LRP11: variants seen among roughly 807,000 people sequenced by gnomAD.
The protein encoded by LRP11 is low-density lipoprotein receptor-related protein 11.
Under a neutral mutation model 43.1 loss-of-function variants are expected in LRP11, and 25 were observed. The observed-to-expected ratio is 0.58, with a 90% CI of 0.42 to 0.81. LRP11 has a LOEUF of 0.81. Ranked by LOEUF, LRP11 falls within the 30% of genes least tolerant of loss-of-function variation. The pLI, the probability that LRP11 is intolerant of heterozygous loss-of-function variation, is 0.00. For synonymous variants in LRP11, 316 were observed against 299.4 expected (o/e 1.06, Z -0.57); for missense variants, 623 against 665.1 (o/e 0.94, Z 0.70).
chr6:149,838,558 A>G (rs533023536), intron 3 of LRP11, among the ~76,000 whole-genome samples: 2,274 of 151,654 alleles, frequency 0.015, 26 homozygotes, highest in Non-Finnish European at 0.025. Context: ...GGTGGCATGC[A>G]CCTGTAGTCC....
At position 149,820,409 on chromosome 6, in the gene LRP11, A is replaced by G; in HGVS notation, c.*140T>C. 1 of 482,730 alleles carries G rather than the reference A, an allele frequency of 2.1e-6. No individual in the cohort carries two copies. Among genetic ancestry groups the G allele is most frequent in the African/African-American group, 2.0e-5 (1 of 50,538 alleles). 29.9% of individuals were successfully genotyped at this position (482,730 alleles called of 1,614,324 possible). A position where few individuals can be genotyped will look rare whatever the true frequency, so the allele number is the denominator to read the frequency against. On this transcript the variant is annotated 3_prime_UTR_variant, in exon 7 of 7. Coordinates refer to ENST00000239367, the MANE Select transcript of LRP11 (RefSeq NM_032832.6). ...CTTCTAAGGAAACTTTTTTTACAAT[A>G]AATAATAAAGAAAGATTTGGGATTT...
intron 1 of LRP11, among the ~76,000 whole-genome samples, chr6:149,861,799 A>T (rs1776903557): frequency 1.3e-5 from 2 of 152,158 alleles, no homozygotes; most frequent in Non-Finnish European, 2.9e-5. Context: ...GGGGTTAGTT[A>T]TGAGCCACCG....
At chr6:149,844,250 C>G (rs76916836) in intron 2 of LRP11, among the ~76,000 whole-genome samples, 1 of 125,140 alleles carries the variant, frequency 8.0e-6, no homozygotes, top group Non-Finnish European at 1.7e-5. Context: ...GACTCCATCT[C>G]AAAAAAAAAA....
intron 1 of LRP11, among the ~76,000 whole-genome samples, chr6:149,861,362 G>C (rs1776891276): frequency 6.6e-6 from 1 of 152,078 alleles, no homozygotes; most frequent in South Asian, 2.1e-4. Flanking sequence ...GCACAGCAGT[G>C]TTCTCCCAGA....
chr6:149,828,122 C>T (rs1050599667), intron 5 of LRP11, among the ~76,000 whole-genome samples: 12 of 151,138 alleles, frequency 7.9e-5, no homozygotes, highest in African/African-American at 2.9e-4. Context: ...ACTTGGGAGG[C>T]GGAGGGTGCA....
At chr6:149,826,438 A>G in intron 5 of LRP11, 79 bp from the exon 6 acceptor site, 1 of 958,216 alleles carries the variant, frequency 1.0e-6, no homozygotes. Flanking sequence ...ATACAGCCTT[A>G]TTTTTTTTTA....
At chr6:149,851,320 C>G (rs1226880877) in intron 2 of LRP11, among the ~76,000 whole-genome samples, 1 of 152,034 alleles carries the variant, frequency 6.6e-6, no homozygotes, top group Non-Finnish European at 1.5e-5. Flanking sequence ...GTCAGAAAAC[C>G]AAAGCTTAAA....
At chr6:149,851,776 G>C (rs1032539080) in intron 2 of LRP11, among the ~76,000 whole-genome samples, 4 of 152,226 alleles carry the variant, frequency 2.6e-5, no homozygotes, top group African/African-American at 9.6e-5. Flanking sequence ...AAGGATGCTG[G>C]GTGTATTAGT....
intron 1 of LRP11, among the ~76,000 whole-genome samples, chr6:149,860,010 T>C (rs1196830359): frequency 6.6e-6 from 1 of 152,208 alleles, no homozygotes; most frequent in African/African-American, 2.4e-5. Context: ...TATCTTACTA[T>C]TATTTATTAA....
intron 1 of LRP11, among the ~76,000 whole-genome samples, chr6:149,854,472 A>G (rs903951886): frequency 6.6e-6 from 1 of 152,228 alleles, no homozygotes; most frequent in Admixed American, 6.5e-5. Context: ...TTTCAATATT[A>G]ATACTTTACT....
Position 149,848,385 on chromosome 6 carries a change from T to C in LRP11, c.771+4618A>G, listed in dbSNP as rs1289506011. On this transcript the variant is annotated intron_variant, in intron 2 of 6. Coordinates refer to ENST00000239367, the MANE Select transcript of LRP11 (RefSeq NM_032832.6). Reference sequence around the variant, plus strand: ...CCCAGCAATCCCATTACTAGGTATATACCCAAAGAATACAAACTGTTCTAC... The same window carrying C: ...CCCAGCAATCCCATTACTAGGTATACACCCAAAGAATACAAACTGTTCTAC... 3.9e-5 allele frequency among the ~76,000 whole-genome samples: 6 copies of C among 152,302 alleles called. No homozygotes were observed. In the East Asian group the frequency reaches 9.6e-4, roughly 24 times the overall value.
intron 6 of LRP11, among the ~76,000 whole-genome samples, chr6:149,823,074 C>CA (rs58014762): frequency 1.5e-4 from 23 of 150,492 alleles, no homozygotes; most frequent in Middle Eastern, 3.2e-3. Flanking sequence ...AGCAGAGGAC[C>CA]AAAAAAAAAC....
intron 3 of LRP11, among the ~76,000 whole-genome samples, chr6:149,839,504 A>C (rs1776517537): frequency 6.6e-6 from 1 of 152,166 alleles, no homozygotes; most frequent in Non-Finnish European, 1.5e-5. Flanking sequence ...AAAATCCCAG[A>C]TATCTCAAGG....
rs1243434555 is a variant in LRP11, at chr6:149,826,287, C to T, written c.1325G>A (p.Gly442Glu). ...IFESKGDGGG[G>E]EHPAPETGAV... ...ACCTGTTTCTGGGGCTGGGTGTTCC[C>T]CTCCTCCTCCATCACCCTTTGACTC... Residue 442 changes from glycine to glutamate, a missense_variant, in exon 6 of 7, where the codon GGG (glycine) becomes GAG (glutamate). Coordinates refer to ENST00000239367, the MANE Select transcript of LRP11 (RefSeq NM_032832.6). The T allele has an allele frequency of 3.7e-6, 6 of 1,613,168 alleles. No homozygotes were observed. The highest frequency in any genetic ancestry group is 1.7e-4 in the Middle Eastern group (1 of 6,058).
Position 149,853,070 on chromosome 6 carries a change from G to A in LRP11, c.704C>T (p.Thr235Ile). The A allele has an allele frequency of 6.2e-7, 1 of 1,612,636 alleles. No individual in the cohort carries two copies. Among genetic ancestry groups the A allele is most frequent in the Non-Finnish European group, 8.5e-7 (1 of 1,179,282 alleles). Residue 235 changes from threonine (T) to isoleucine (I), a missense_variant, in exon 2 of 7, where the codon ACA becomes ATA. Transcript: ENST00000239367. ...DGVVLDGRESTDDHAIVQYEW... is the reference protein window; with the variant it reads ...DGVVLDGRESIDDHAIVQYEW... Reference sequence around the variant, plus strand: ...ATACTGGACGATGGCGTGGTCATCTGTGCTCTCGCGGCCGTCTAGAACCAC... The same window carrying A: ...ATACTGGACGATGGCGTGGTCATCTATGCTCTCGCGGCCGTCTAGAACCAC...
At chr6:149,824,984 T>C (rs1776321201) in intron 6 of LRP11, among the ~76,000 whole-genome samples, 1 of 152,196 alleles carries the variant, frequency 6.6e-6, no homozygotes. Context: ...CTTCCCTTGA[T>C]AGGGGACAGG....
intron 1 of LRP11, among the ~76,000 whole-genome samples, chr6:149,859,024 A>G (rs910587732): frequency 7.9e-5 from 12 of 151,936 alleles, no homozygotes; most frequent in Non-Finnish European, 1.5e-4. Flanking sequence ...AATATGAGTA[A>G]AACACTTTTT....
chr6:149,840,035 G>A (rs957230346), intron 3 of LRP11, among the ~76,000 whole-genome samples: 2 of 152,154 alleles, frequency 1.3e-5, no homozygotes, highest in Non-Finnish European at 2.9e-5. Flanking sequence ...TTGCTGGCTT[G>A]CTGTTTGATC....
chr6:149,837,482 C>G lies in LRP11; in HGVS notation c.914-19G>C, dbSNP rs777698963. On this transcript the variant is annotated intron_variant, in intron 3 of 6. Coordinates refer to ENST00000239367, the MANE Select transcript of LRP11 (RefSeq NM_032832.6). Reference sequence around the variant, plus strand: ...AAACATCCTATTTGTAAACAAATCTCAAGTCACACGAGTGCAGAAGTTCAG... The same window carrying G: ...AAACATCCTATTTGTAAACAAATCTGAAGTCACACGAGTGCAGAAGTTCAG... 3 of 1,611,318 alleles carry G rather than the reference C, an allele frequency of 1.9e-6. No individual in the cohort carries two copies. The highest frequency in any genetic ancestry group is 2.5e-6 in the Non-Finnish European group (3 of 1,178,686).
Sources: gnomAD v4.1 joint callset for allele counts (sites outside exome capture counted in the v4.1 genomes callset) on GRCh38, gnomAD v4.1.1 for gene constraint, MANE v1.5 for transcripts, NCBI Gene and HGNC (gene_info 2026-07-23, HGNC 2026-07-21) for gene names.